The following SNX14 variants were observed in gnomAD, a reference collection of about 807,000 sequenced individuals.
The protein encoded by SNX14 is sorting nexin 14, also known as sorting nexin-14.
A neutral mutation model predicts 133.8 loss-of-function variants in SNX14; 93 were observed. That is an observed-to-expected ratio of 0.70 (90% confidence interval 0.59 to 0.83). The LOEUF is 0.83. Ranked by LOEUF, SNX14 falls within the 40% of genes least tolerant of loss-of-function variation. The pLI is 0.00. For synonymous variants in SNX14, 368 were observed against 365.6 expected, an observed-to-expected ratio of 1.01 and a Z score of -0.07; for missense variants, 945 against 1,094.9, an observed-to-expected ratio of 0.86 and a Z score of 1.93.
At position 85,530,104 on chromosome 6, in the gene SNX14, A is replaced by C; in HGVS notation, c.1894+88T>G. The C allele has an allele frequency of 4.1e-6, 3 of 728,222 alleles. No homozygotes were observed. The South Asian group carries it at 5.2e-5, about 13-fold the overall frequency. 45.1% of individuals were successfully genotyped at this position (728,222 alleles called of 1,614,324 possible). ...ATGTTGTATTTCTTGTATTTCAATT[A>C]CTTAAAATAAAAAAATTAATCTGGT... On this transcript the variant is annotated intron_variant, in intron 19 of 28. Coordinates refer to ENST00000314673, the MANE Select transcript of SNX14 (RefSeq NM_153816.6).
chr6:85,507,860 C>A, intron 27 of SNX14, 108 bp downstream of exon 27: 1 of 616,282 alleles, frequency 1.6e-6, no homozygotes, highest in Non-Finnish European at 2.5e-6. Context: ...ATTATATTGC[C>A]TTGGTTTAGT....
At chr6:85,551,458 G>A (rs146901726) in intron 7 of SNX14, among the ~76,000 whole-genome samples, 6 of 152,252 alleles carry the variant, frequency 3.9e-5, no homozygotes, top group African/African-American at 1.2e-4. Flanking sequence ...ACCAATATAA[G>A]CTCACCTGTC....
rs1475206484 is a variant in SNX14, at chr6:85,508,319, G to GT, written c.2654-261dup. Reference sequence around the variant, plus strand: ...AATGCAAACTCTGAGAAATGCTGCAGTAAAAAAAAAAAAAAAAAAAATCTG... The same window carrying GT: ...AATGCAAACTCTGAGAAATGCTGCAGTTAAAAAAAAAAAAAAAAAAAATCTG... On this transcript the variant is annotated intron_variant, in intron 26 of 28. Transcript: ENST00000314673. The GT allele has an allele frequency of 1.9e-4, 136 of 702,466 alleles. No individual in the cohort carries two copies. In the African/African-American group the frequency reaches 2.8e-3, roughly 15 times the overall value. The allele number at this position is 702,466 out of a possible 1,614,324, so 43.5% of individuals were successfully genotyped here.
At chr6:85,548,088 G>A (rs186079445) in intron 9 of SNX14, among the ~76,000 whole-genome samples, 50 of 152,284 alleles carry the variant, frequency 3.3e-4, no homozygotes, top group African/African-American at 8.2e-4. Context: ...TGCCAGGGGG[G>A]GCTGGAGGGA....
rs369638070 is a variant in SNX14, at chr6:85,514,150, T to A, written c.2477A>T (p.Tyr826Phe). The A allele has an allele frequency of 6.2e-7, 1 of 1,614,050 alleles. No homozygotes were observed. Among genetic ancestry groups the A allele is most frequent in the Non-Finnish European group, 8.5e-7 (1 of 1,179,954 alleles). The change falls in exon 25 of 29, where the codon TAT becomes TTT. Residue 826 changes from tyrosine to phenylalanine, a missense_variant. By Grantham distance (22) the Tyr-to-Phe change is conservative (BLOSUM62 3). Transcript: ENST00000314673. ...TTTACACTGAAGATAGTAATCAGTA[T>A]ACATTTCCAGGGTGTTTTTAAAGAG... ...RILFKNTLEMYTDYYLQCKLE... is the reference protein window; with the variant it reads ...RILFKNTLEMFTDYYLQCKLE...
Position 85,543,227 on chromosome 6 carries a change from G to T in SNX14, c.1344C>A (p.Ser448=), listed in dbSNP as rs1316159149. ...TAGGAGTAAATACATTCTCCAAAAG[G>T]GAAAGAACATGTTCATATGCTTCAA... is the stretch of plus-strand genomic sequence containing the variant. ...CLFEAYEHVL[S]LLENVFTPMF... is the part of the protein sequence containing the mutation. The change falls in exon 14 of 29, where the codon TCC becomes TCA. Residue 448 remains serine (S), a synonymous_variant. Transcript: ENST00000314673. 2 of 1,599,278 alleles carry T rather than the reference G, an allele frequency of 1.3e-6. No homozygotes were observed. The highest frequency in any genetic ancestry group is 1.7e-5 in the Admixed American group (1 of 57,722).
chr6:85,550,186 G>A (rs745428311), intron 7 of SNX14, among the ~76,000 whole-genome samples: 1 of 152,114 alleles, frequency 6.6e-6, no homozygotes, highest in Non-Finnish European at 1.5e-5. Context: ...GAGGTTGCAA[G>A]GTTGCAGTGA....
Position 85,538,849 on chromosome 6 carries a change from C to A in SNX14, c.1464G>T (p.Leu488Phe). ...NSKLNRGSLS[L>F]DDFRNTQKRG... ...TGCTCAAGACTTACCGAAAATCATC[C>A]AAACTTAGGCTACCTCTGCAATAAC... The change falls in exon 16 of 29, where the codon TTG becomes TTT. Residue 488 changes from leucine to phenylalanine, a missense_variant. Leu to Phe is a conservative substitution (Grantham distance 22, BLOSUM62 0). Transcript: ENST00000314673. 6.3e-7 allele frequency: 1 copy of A among 1,597,690 alleles called. No homozygotes were observed. The highest frequency in any genetic ancestry group is 1.8e-5 in the Admixed American group (1 of 56,598).
At chr6:85,516,447 A>G (rs1224779311) in intron 23 of SNX14, among the ~76,000 whole-genome samples, 1 of 152,096 alleles carries the variant, frequency 6.6e-6, no homozygotes, top group Non-Finnish European at 1.5e-5. Flanking sequence ...GTTATAAAAA[A>G]TCTTCCTACA....
chr6:85,586,763 C>T (rs1197135542), intron 1 of SNX14, among the ~76,000 whole-genome samples: 1 of 151,554 alleles, frequency 6.6e-6, no homozygotes, highest in Non-Finnish European at 1.5e-5. Context: ...CAGACAGGGT[C>T]TTTCTGGCCA....
rs1243211401 is a variant in SNX14, at chr6:85,543,770, G to C, written c.1109-10C>G. ...CTATCATTAAATTCCTCTAACAAAT[G>C]AGGGAATGAATAAGAAAAAATAATT... On this transcript the variant is annotated splice_polypyrimidine_tract_variant and intron_variant, in intron 12 of 28. Coordinates refer to ENST00000314673, the MANE Select transcript of SNX14 (RefSeq NM_153816.6). 15 of 1,484,744 alleles carry C rather than the reference G, an allele frequency of 1.0e-5. No individual in the cohort carries two copies. Among genetic ancestry groups the C allele is most frequent in the Non-Finnish European group, 1.4e-5 (15 of 1,105,884 alleles). The allele number at this position is 1,484,744 out of a possible 1,614,324, so 92.0% of individuals were successfully genotyped here.
chr6:85,547,165 T>C lies in SNX14; in HGVS notation c.1055A>G (p.Asn352Ser). ...EQQDLLFRFM[N>S]FLKQEGAVHV... ...CACTGCGCCTTCTTGTTTCAGAAAG[T>C]TCATAAAACGAAATAAAAGATCTTG... The change falls in exon 12 of 29, where the codon AAC (asparagine) becomes AGC (serine). Residue 352 changes from asparagine to serine, a missense_variant. By Grantham distance (46) the Asn-to-Ser change is conservative. Coordinates refer to ENST00000314673, the MANE Select transcript of SNX14 (RefSeq NM_153816.6). 6.2e-7 allele frequency: 1 copy of C among 1,614,026 alleles called. No individual in the cohort carries two copies.
chr6:85,575,138 TA>T (rs139123158), intron 1 of SNX14, among the ~76,000 whole-genome samples: 1,835 of 152,254 alleles, frequency 0.012, 38 homozygotes, highest in African/African-American at 0.041. Flanking sequence ...AAGATGAATC[TA>T]AAAGCAAAAG....
chr6:85,566,464 G>A lies in SNX14; in HGVS notation c.462-1045C>T, dbSNP rs1477503659. On this transcript the variant is annotated intron_variant, in intron 5 of 28. Transcript: ENST00000314673. Reference sequence around the variant, plus strand: ...TATAATCCCAACACTTTGGGAGGCCGAGGTGGGTGGATCACTTGAAGTCGG... The same window carrying A: ...TATAATCCCAACACTTTGGGAGGCCAAGGTGGGTGGATCACTTGAAGTCGG... 3.9e-5 allele frequency among the ~76,000 whole-genome samples: 6 copies of A among 152,010 alleles called. 1 individual carries two copies. In the South Asian group the frequency reaches 6.2e-4, roughly 16 times the overall value.
At chr6:85,525,529 G>A (rs1293603662) in intron 21 of SNX14, among the ~76,000 whole-genome samples, 3 of 152,048 alleles carry the variant, frequency 2.0e-5, no homozygotes, top group Non-Finnish European at 2.9e-5. Context: ...ATGTACAGAA[G>A]TACCATGAAA....
At chr6:85,559,698 A>G (rs886831021) in intron 6 of SNX14, among the ~76,000 whole-genome samples, 4 of 152,244 alleles carry the variant, frequency 2.6e-5, no homozygotes, top group African/African-American at 7.2e-5. Flanking sequence ...AGTGACGCAG[A>G]TAAGAGCCAC....
In SNX14 at chr6:85,547,214, C is replaced by A; in HGVS notation, c.1006G>T (p.Glu336Ter). 1.2e-6 allele frequency: 2 copies of A among 1,614,004 alleles called. No individual in the cohort carries two copies. The highest frequency in any genetic ancestry group is 1.7e-6 in the Non-Finnish European group (2 of 1,179,942). Reference sequence around the variant, plus strand: ...TGTTGCTCTCTGATTTGCTTCAATTCTAACTTCAGCACCTTGATATAAGAG... The same window carrying A: ...TGTTGCTCTCTGATTTGCTTCAATTATAACTTCAGCACCTTGATATAAGAG... Reference protein sequence around the residue: ...RNKKPSVLKLELKQIREQQDL... With the variant: ...RNKKPSVLKL The change falls in exon 12 of 29, where the codon GAA (glutamate) becomes TAA (stop). Residue 336 changes from glutamate (E) to a stop codon, truncating the protein, a stop_gained. Coordinates refer to ENST00000314673, the MANE Select transcript of SNX14 (RefSeq NM_153816.6). LOFTEE classifies it high-confidence loss of function.
intron 23 of SNX14, among the ~76,000 whole-genome samples, chr6:85,514,997 G>A (rs983487526): frequency 6.6e-6 from 1 of 152,076 alleles, no homozygotes; most frequent in Non-Finnish European, 1.5e-5. Flanking sequence ...AGGCGCAGTG[G>A]CTCACGCCTG....
chr6:85,586,172 G>A (rs1404163413), intron 1 of SNX14, among the ~76,000 whole-genome samples: 1 of 152,118 alleles, frequency 6.6e-6, no homozygotes, highest in Non-Finnish European at 1.5e-5. Flanking sequence ...AAATGGTGAG[G>A]AGGGATCTTC....
Sources: allele counts gnomAD v4.1 joint callset (sites outside exome capture counted in the v4.1 genomes callset), GRCh38; gene constraint gnomAD v4.1.1; transcripts MANE v1.5; gene names NCBI Gene and HGNC (gene_info 2026-07-23, HGNC 2026-07-21).